Variants in DOCK4 observed in about 807,000 individuals in gnomAD.
The protein encoded by DOCK4 is dedicator of cytokinesis protein 4.
In DOCK4, 97 loss-of-function variants were observed where a neutral mutation model predicts 268.1. That is an observed-to-expected ratio of 0.36 (90% CI 0.31 to 0.43). The LOEUF is 0.43. DOCK4 is among the 20% of genes least tolerant of loss of function. DOCK4 has a pLI of 1.00. For synonymous variants in DOCK4, 954 were observed against 887.2 expected (o/e 1.08, Z -1.34); for missense variants, 2,145 against 2,455.7 (o/e 0.87, Z 2.67).
At position 111,868,082 on chromosome 7, in the gene DOCK4, C is replaced by T. The variant is rs1421882969; in HGVS notation, c.2182G>A (p.Glu728Lys). ...TGAATGCAGCAGCGGAACTCCTCTT[C>T]GTTTTGCCCACCAGTGGCAAGGGAA... is the stretch of plus-strand genomic sequence containing the variant. ...LFSLATGGQN[E>K]EEFRCCIQEL... Residue 728 changes from glutamate (E) to lysine (K), a missense_variant, in exon 22 of 53, where the codon GAA becomes AAA. Transcript: ENST00000428084. The T allele has an allele frequency of 2.5e-6, 4 of 1,613,656 alleles. No individual in the cohort carries two copies. Among genetic ancestry groups the T allele is most frequent in the South Asian group, 2.2e-5 (2 of 91,024 alleles).
intron 12 of DOCK4, among the ~76,000 whole-genome samples, chr7:111,924,820 T>C (rs909649564): frequency 2.6e-5 from 4 of 152,198 alleles, no homozygotes; most frequent in African/African-American, 7.2e-5. Context: ...TTTTCATCAA[T>C]AATGGTTGTT....
chr7:112,123,611 G>A (rs559756073), intron 1 of DOCK4, among the ~76,000 whole-genome samples: 10 of 152,182 alleles, frequency 6.6e-5, no homozygotes, highest in Non-Finnish European at 1.3e-4. Flanking sequence ...CATAAAAGAG[G>A]AAATAATTTT....
At chr7:112,204,909 A>ACG (rs66517160) in intron 1 of DOCK4, among the ~76,000 whole-genome samples, 2 of 151,438 alleles carry the variant, frequency 1.3e-5, no homozygotes, top group Admixed American at 6.6e-5. Flanking sequence ...ACACACACAC[A>ACG]AAGTACACCA....
intron 27 of DOCK4, chr7:111,819,817 A>T (rs998239300): frequency 6.6e-6 from 1 of 152,202 alleles, no homozygotes; most frequent in Non-Finnish European, 1.5e-5. Context: ...GGGTTAATAA[A>T]AGTGGGAGTT....
At chr7:111,853,973 G>A (rs1417894661) in intron 23 of DOCK4, among the ~76,000 whole-genome samples, 2 of 150,212 alleles carry the variant, frequency 1.3e-5, no homozygotes, top group African/African-American at 4.9e-5. Flanking sequence ...TTGCTCTGTT[G>A]CCCAGGCTGG....
chr7:112,110,574 C>G lies in DOCK4; in HGVS notation c.37+95528G>C, dbSNP rs1240850216. On this transcript the variant is annotated intron_variant, in intron 1 of 52. Transcript: ENST00000428084. Reference sequence around the variant, plus strand: ...GGTCACATTCATCAGTGGGCAGAGGCAGGGTAAAGGACAAATCTGGCAAGT... The same window carrying G: ...GGTCACATTCATCAGTGGGCAGAGGGAGGGTAAAGGACAAATCTGGCAAGT... 2.0e-5 allele frequency among the ~76,000 whole-genome samples: 3 copies of G among 152,198 alleles called. No homozygotes were observed. The East Asian group carries it at 5.8e-4, about 29-fold the overall frequency.
intron 47 of DOCK4, 98 bp from the exon 48 acceptor site, chr7:111,739,575 CAACA>C (rs1039671137): frequency 3.9e-6 from 4 of 1,035,424 alleles, no homozygotes; most frequent in African/African-American, 1.6e-5. Context: ...TTCAAATTAG[CAACA>C]AAAAGTCCGT....
At chr7:111,949,869 A>G (rs1000201525) in intron 8 of DOCK4, among the ~76,000 whole-genome samples, 2 of 152,240 alleles carry the variant, frequency 1.3e-5, no homozygotes, top group Non-Finnish European at 2.9e-5. Flanking sequence ...GAATATCAGA[A>G]GGTATGCCTT....
intron 30 of DOCK4, among the ~76,000 whole-genome samples, chr7:111,795,112 T>C (rs1799800658): frequency 6.6e-6 from 1 of 151,946 alleles, no homozygotes; most frequent in Non-Finnish European, 1.5e-5. Flanking sequence ...TGGGATGGGG[T>C]TGGGGAGTCC....
chr7:111,945,847 A>T lies in DOCK4; in HGVS notation c.702-49T>A, dbSNP rs185741262. On this transcript the variant is annotated intron_variant, in intron 8 of 52. Coordinates refer to ENST00000428084, the MANE Select transcript of DOCK4 (RefSeq NM_001363540.2). Reference sequence around the variant, plus strand: ...AATTTGAAAATTATTTAATAGTTAAAGATTTATCCCTCTGTAACTACTCTT... The same window carrying T: ...AATTTGAAAATTATTTAATAGTTAATGATTTATCCCTCTGTAACTACTCTT... The T allele has an allele frequency of 1.7e-4, 235 of 1,421,060 alleles. No individual in the cohort carries two copies. The African/African-American group carries it at 3.1e-3, about 19-fold the overall frequency. 88.0% of individuals were successfully genotyped at this position (1,421,060 alleles called of 1,614,324 possible).
intron 8 of DOCK4, among the ~76,000 whole-genome samples, chr7:111,972,250 G>A (rs1164493084): frequency 6.6e-6 from 1 of 152,140 alleles, no homozygotes; most frequent in Non-Finnish European, 1.5e-5. Flanking sequence ...CTTAGGCAGT[G>A]ATTCTGATGC....
intron 34 of DOCK4, 126 bp downstream of exon 34, chr7:111,783,731 C>G (rs1288141431): frequency 6.1e-6 from 5 of 816,176 alleles, no homozygotes; most frequent in Non-Finnish European, 7.8e-6. Flanking sequence ...CTTAGTATAC[C>G]AGGTTCCATG....
At chr7:112,144,926 G>A (rs1245325585) in intron 1 of DOCK4, among the ~76,000 whole-genome samples, 1 of 152,086 alleles carries the variant, frequency 6.6e-6, no homozygotes, top group Non-Finnish European at 1.5e-5. Flanking sequence ...TTCATCATTA[G>A]GAATTTTTGT....
intron 1 of DOCK4, among the ~76,000 whole-genome samples, chr7:112,124,062 T>C (rs1057032554): frequency 6.6e-6 from 1 of 152,174 alleles, no homozygotes; most frequent in Non-Finnish European, 1.5e-5. Flanking sequence ...TTTTGCTTTG[T>C]TGTCCAGGCT....
chr7:112,178,546 T>C (rs947725269), intron 1 of DOCK4, among the ~76,000 whole-genome samples: 1 of 152,140 alleles, frequency 6.6e-6, no homozygotes, highest in Non-Finnish European at 1.5e-5. Context: ...ATAACAGTGC[T>C]AGGAAAAGAG....
chr7:112,090,109 T>C (rs1334667822), intron 1 of DOCK4, among the ~76,000 whole-genome samples: 3 of 152,198 alleles, frequency 2.0e-5, no homozygotes, highest in Non-Finnish European at 4.4e-5. Flanking sequence ...ACTTCTATTT[T>C]AGCTTTTAGT....
chr7:111,983,540 A>G (rs1798766757), intron 7 of DOCK4, among the ~76,000 whole-genome samples: 2 of 152,172 alleles, frequency 1.3e-5, no homozygotes, highest in Admixed American at 1.3e-4. Flanking sequence ...GATATTAGGT[A>G]CATTTCATAC....
At chr7:112,040,905 T>C (rs1804295517) in intron 1 of DOCK4, among the ~76,000 whole-genome samples, 1 of 152,214 alleles carries the variant, frequency 6.6e-6, no homozygotes, top group Non-Finnish European at 1.5e-5. Flanking sequence ...ATACATGCAA[T>C]GTCTGAAAAG....
At position 112,032,087 on chromosome 7, in the gene DOCK4, T is replaced by G. The variant is rs562199422; in HGVS notation, c.38-27956A>C. ...AATTCCCTAGAATTTTTAATCTTGTTGTAAGACCCTTAAGTAGGTCATAGC... is the reference window on the plus strand; with the variant it reads ...AATTCCCTAGAATTTTTAATCTTGTGGTAAGACCCTTAAGTAGGTCATAGC... On this transcript the variant is annotated intron_variant, in intron 1 of 52. Coordinates refer to ENST00000428084, the MANE Select transcript of DOCK4 (RefSeq NM_001363540.2). Among the ~76,000 whole-genome samples, 6 of 152,326 alleles carry G rather than the reference T, an allele frequency of 3.9e-5. No individual in the cohort carries two copies. The South Asian group carries it at 1.0e-3, about 26-fold the overall frequency.
Sources: allele counts gnomAD v4.1 joint callset (sites outside exome capture counted in the v4.1 genomes callset), GRCh38; gene constraint gnomAD v4.1.1; transcripts MANE v1.5; gene names NCBI Gene and HGNC (gene_info 2026-07-23, HGNC 2026-07-21).